The following CDK5RAP2 variants were observed in gnomAD, a reference collection of about 807,000 sequenced individuals.
CDK5RAP2 encodes CDK5 regulatory subunit associated protein 2.
CDK5RAP2 carries 147 observed loss-of-function variants against 232.9 expected under a neutral mutation model. The ratio of observed to expected loss-of-function variants is 0.63; its 90% CI spans 0.55 to 0.72. The LOEUF is 0.72. CDK5RAP2 is among the 30% of genes least tolerant of loss of function. The pLI, the probability that CDK5RAP2 is intolerant of heterozygous loss-of-function variation, is 0.00. For missense variants in CDK5RAP2, 2,195 were observed against 2,231.5 expected (o/e 0.98, Z 0.33); for synonymous variants, 833 against 833.7 (o/e 1.00, Z 0.01).
intron 28 of CDK5RAP2, among the ~76,000 whole-genome samples, chr9:120,412,078 C>T (rs984815332): frequency 1.3e-5 from 2 of 152,208 alleles, no homozygotes; most frequent in African/African-American, 4.8e-5. Flanking sequence ...AACCTTGCCT[C>T]CCGGCTGTTC....
chr9:120,535,269 T>C (rs1298591681), intron 7 of CDK5RAP2, among the ~76,000 whole-genome samples: 4 of 152,332 alleles, frequency 2.6e-5, no homozygotes, highest in Middle Eastern at 3.4e-3. Context: ...TGGGTCTATT[T>C]ACTTTTCTTT....
chr9:120,397,201 A>C (rs944395866), intron 35 of CDK5RAP2, among the ~76,000 whole-genome samples: 18 of 152,138 alleles, frequency 1.2e-4, no homozygotes, highest in East Asian at 1.9e-4. Context: ...TGGTGAAAAA[A>C]ATCTCAAACA....
chr9:120,410,493 T>C (rs745709797), intron 29 of CDK5RAP2, among the ~76,000 whole-genome samples: 4 of 152,346 alleles, frequency 2.6e-5, no homozygotes, highest in Non-Finnish European at 5.9e-5. Context: ...CCTAACTTTA[T>C]CGTGGCTGAG....
At chr9:120,480,959 C>T (rs997544953) in intron 14 of CDK5RAP2, among the ~76,000 whole-genome samples, 3 of 152,218 alleles carry the variant, frequency 2.0e-5, no homozygotes. Flanking sequence ...GTGGGATTCT[C>T]TCAGCTCCCA....
At chr9:120,451,516 A>G (rs60547440) in intron 21 of CDK5RAP2, among the ~76,000 whole-genome samples, 12,377 of 152,190 alleles carry the variant, frequency 0.081, 726 homozygotes, top group East Asian at 0.29. Context: ...TTTTAACAGG[A>G]TATCAGAGTA....
chr9:120,525,107 G>A, intron 10 of CDK5RAP2, 29 bp from the exon 11 acceptor site: 6 of 1,532,212 alleles, frequency 3.9e-6, no homozygotes, highest in Non-Finnish European at 3.6e-6. Context: ...TACCAGCCAA[G>A]TATGTAACTG....
chr9:120,469,706 A>G (rs1024231952), intron 17 of CDK5RAP2, among the ~76,000 whole-genome samples: 1 of 152,240 alleles, frequency 6.6e-6, no homozygotes, highest in African/African-American at 2.4e-5. Flanking sequence ...GAAATCAGAA[A>G]TAAGACATAA....
At position 120,468,969 on chromosome 9, in the gene CDK5RAP2, G is replaced by A. The variant is rs180858332; in HGVS notation, c.1969-972C>T. On this transcript the variant is annotated intron_variant, in intron 17 of 37. Transcript: ENST00000349780. ...AAAATTGGATCGAATCCTCAAGGAG[G>A]TTCTAGTAGGAAGAACAAGACATTC... 2.6e-5 allele frequency among the ~76,000 whole-genome samples: 4 copies of A among 152,308 alleles called. No homozygotes were observed. The East Asian group carries it at 7.7e-4, about 29-fold the overall frequency.
chr9:120,414,984 C>T (rs912247638), intron 28 of CDK5RAP2, 56 bp downstream of exon 28: 87 of 1,599,098 alleles, frequency 5.4e-5, no homozygotes, highest in African/African-American at 1.9e-4. Context: ...CAGGCAAATG[C>T]GTCACAGTGA....
chr9:120,445,309 T>A (rs2036123502), intron 22 of CDK5RAP2, among the ~76,000 whole-genome samples: 1 of 152,216 alleles, frequency 6.6e-6, no homozygotes, highest in Non-Finnish European at 1.5e-5. Flanking sequence ...AGCTCATGCT[T>A]CCAGAAGATA....
chr9:120,573,604 C>A (rs775521653), intron 1 of CDK5RAP2, among the ~76,000 whole-genome samples: 1 of 150,002 alleles, frequency 6.7e-6, no homozygotes, highest in African/African-American at 2.5e-5. Flanking sequence ...AATGAAAAAA[C>A]GTAAACAGAA....
At chr9:120,542,457 T>C (rs1035225655) in intron 5 of CDK5RAP2, among the ~76,000 whole-genome samples, 1 of 150,574 alleles carries the variant, frequency 6.6e-6, no homozygotes, top group East Asian at 1.9e-4. Context: ...GATTGTGCCA[T>C]TGCACTCCAG....
intron 12 of CDK5RAP2, among the ~76,000 whole-genome samples, chr9:120,504,231 C>CAAGTAG (rs1228532752): frequency 6.6e-6 from 1 of 152,076 alleles, no homozygotes; most frequent in South Asian, 2.1e-4. Context: ...TTCTCTTATT[C>CAAGTAG]AAGTAGAAGT....
chr9:120,413,363 C>A (rs950446675), intron 28 of CDK5RAP2, among the ~76,000 whole-genome samples: 6 of 152,194 alleles, frequency 3.9e-5, no homozygotes, highest in Non-Finnish European at 7.3e-5. Context: ...AATATTCCAC[C>A]TCGATATTGT....
intron 16 of CDK5RAP2, among the ~76,000 whole-genome samples, 190 bp downstream of exon 16, chr9:120,471,558 G>C (rs2037704125): frequency 1.3e-5 from 2 of 152,186 alleles, no homozygotes; most frequent in African/African-American, 4.8e-5. Context: ...ACCTTCTGCA[G>C]AATTTAGTAC....
intron 22 of CDK5RAP2, among the ~76,000 whole-genome samples, chr9:120,444,444 C>CT (rs897322106): frequency 3.7e-4 from 57 of 152,332 alleles, no homozygotes; most frequent in African/African-American, 1.3e-3. Context: ...AAGGCAGAGA[C>CT]TGCATCTGAT....
At chr9:120,538,364 T>C (rs371548505) in intron 6 of CDK5RAP2, among the ~76,000 whole-genome samples, 21 of 152,274 alleles carry the variant, frequency 1.4e-4, no homozygotes, top group African/African-American at 5.1e-4. Flanking sequence ...GACCAAGAAT[T>C]AAATAGTATT....
chr9:120,450,700 A>G (rs2036437398), intron 21 of CDK5RAP2, among the ~76,000 whole-genome samples: 2 of 152,208 alleles, frequency 1.3e-5, no homozygotes, highest in African/African-American at 2.4e-5. Context: ...ACACTTTCCC[A>G]TAATCCAGAA....
rs2031671412 is a variant in CDK5RAP2, at chr9:120,389,130, G to A, written c.*106C>T. ...TGAAGGGAAAAAATAGATTTCCTTTGGCCAGACAGCTCTTTCTTCCTCAAT... is the reference window on the plus strand; with the variant it reads ...TGAAGGGAAAAAATAGATTTCCTTTAGCCAGACAGCTCTTTCTTCCTCAAT... On this transcript the variant is annotated 3_prime_UTR_variant, in exon 38 of 38. Coordinates refer to ENST00000349780, the MANE Select transcript of CDK5RAP2 (RefSeq NM_018249.6). 2 of 957,484 alleles carry A rather than the reference G, an allele frequency of 2.1e-6. No homozygotes were observed. Among genetic ancestry groups the A allele is most frequent in the Admixed American group, 2.1e-5 (1 of 47,356 alleles). 59.3% of individuals were successfully genotyped at this position (957,484 alleles called of 1,614,324 possible). A position where few individuals can be genotyped will look rare whatever the true frequency, so the allele number is the denominator to read the frequency against.
Sources: gnomAD v4.1 joint callset for allele counts (sites outside exome capture counted in the v4.1 genomes callset) on GRCh38, gnomAD v4.1.1 for gene constraint, MANE v1.5 for transcripts, NCBI Gene and HGNC (gene_info 2026-07-23, HGNC 2026-07-21) for gene names.